Variants in FAM135A observed in about 807,000 individuals in gnomAD.
FAM135A encodes the protein protein FAM135A.
Under a neutral mutation model 146.8 loss-of-function variants are expected in FAM135A, and 79 were observed. The ratio of observed to expected loss-of-function variants is 0.54; its 90% confidence interval spans 0.45 to 0.65. FAM135A has a LOEUF of 0.65. Among genes scored for constraint, FAM135A ranks in the 30% least tolerant of loss-of-function variants. The pLI is 0.00. For synonymous variants in FAM135A, 562 were observed against 603.6 expected (o/e 0.93, Z 1.01); for missense variants, 1,623 against 1,758.2 (o/e 0.92, Z 1.38).
At chr6:70,528,086 G>A (rs1255276845) in intron 15 of FAM135A, among the ~76,000 whole-genome samples, 1 of 152,118 alleles carries the variant, frequency 6.6e-6, no homozygotes, top group Non-Finnish European at 1.5e-5. Context: ...GGTTTAAAGT[G>A]TTCATTGTAT....
intron 4 of FAM135A, among the ~76,000 whole-genome samples, chr6:70,445,104 T>C (rs776561924): frequency 2.6e-5 from 4 of 152,142 alleles, no homozygotes; most frequent in African/African-American, 4.8e-5. Context: ...GTGCTAATTG[T>C]GGGAATACAT....
chr6:70,427,877 C>G (rs1770561656), intron 3 of FAM135A, among the ~76,000 whole-genome samples: 1 of 152,118 alleles, frequency 6.6e-6, no homozygotes, highest in African/African-American at 2.4e-5. Flanking sequence ...AACCTTTCAT[C>G]AGCTTAACTG....
intron 4 of FAM135A, among the ~76,000 whole-genome samples, chr6:70,432,635 A>G (rs572741267): frequency 2.0e-4 from 31 of 152,186 alleles, no homozygotes; most frequent in Admixed American, 6.5e-5. Context: ...ATAAGGTATG[A>G]AATAAGAACA....
chr6:70,444,193 G>A (rs549400413), intron 4 of FAM135A, among the ~76,000 whole-genome samples: 50 of 152,112 alleles, frequency 3.3e-4, no homozygotes, highest in Middle Eastern at 3.4e-3. Context: ...ACTTCAGATC[G>A]GGAGTTTGAG....
chr6:70,485,341 C>T (rs1347494905), intron 10 of FAM135A, among the ~76,000 whole-genome samples: 7 of 151,946 alleles, frequency 4.6e-5, no homozygotes, highest in Non-Finnish European at 8.8e-5. Flanking sequence ...TTTCCTTTCT[C>T]TTTATTGTGA....
At chr6:70,504,515 A>G (rs1789283572) in intron 12 of FAM135A, 1 of 152,188 alleles carries the variant, frequency 6.6e-6, no homozygotes, top group South Asian at 2.1e-4. Flanking sequence ...GACATAACAT[A>G]TGTGGATCGG....
intron 5 of FAM135A, among the ~76,000 whole-genome samples, chr6:70,470,831 G>A (rs1434687656): frequency 2.0e-5 from 3 of 152,186 alleles, no homozygotes; most frequent in East Asian, 1.9e-4. Context: ...AGACTTTTGA[G>A]TTTTGCCTGA....
intron 21 of FAM135A, among the ~76,000 whole-genome samples, 185 bp from the exon 22 acceptor site, chr6:70,559,531 T>C (rs1191719575): frequency 6.6e-6 from 1 of 152,120 alleles, no homozygotes; most frequent in Non-Finnish European, 1.5e-5. Context: ...ATTACTTACA[T>C]TTTCTATAAA....
intron 4 of FAM135A, among the ~76,000 whole-genome samples, chr6:70,433,713 ACT>A (rs1772303494): frequency 6.6e-6 from 1 of 151,726 alleles, no homozygotes; most frequent in Non-Finnish European, 1.5e-5. Flanking sequence ...GGCTTAAACA[ACT>A]CTTAGCTTTA....
intron 11 of FAM135A, 94 bp from the exon 12 acceptor site, chr6:70,502,542 T>G: frequency 1.6e-6 from 2 of 1,275,914 alleles, no homozygotes; most frequent in South Asian, 3.1e-5. Flanking sequence ...AAACCACAAA[T>G]TTGCCTTTGT....
chr6:70,533,046 T>G, intron 16 of FAM135A, 114 bp from the exon 17 acceptor site: 1 of 787,832 alleles, frequency 1.3e-6, no homozygotes, highest in South Asian at 1.6e-5. Flanking sequence ...ATATTGTCTG[T>G]TCACAAATGG....
chr6:70,529,738 C>T (rs960540310), intron 16 of FAM135A, among the ~76,000 whole-genome samples: 6 of 151,974 alleles, frequency 3.9e-5, no homozygotes, highest in East Asian at 3.9e-4. Context: ...CAACACCTGC[C>T]GCCAAAAAAC....
chr6:70,445,201 C>T (rs565868791), intron 4 of FAM135A, among the ~76,000 whole-genome samples: 31 of 152,300 alleles, frequency 2.0e-4, no homozygotes, highest in African/African-American at 6.7e-4. Context: ...AACCCAGCCA[C>T]GCCCATTTAC....
chr6:70,528,257 C>T, intron 15 of FAM135A, 35 bp from the exon 16 acceptor site: 1 of 1,564,490 alleles, frequency 6.4e-7, no homozygotes, highest in Non-Finnish European at 8.6e-7. Flanking sequence ...TGAATATGAT[C>T]CTTAGTAAAG....
At chr6:70,522,473 A>T (rs1331784014) in intron 12 of FAM135A, 40 bp from the exon 13 acceptor site, 1 of 1,574,348 alleles carries the variant, frequency 6.4e-7, no homozygotes, top group Admixed American at 1.7e-5. Context: ...GACTTTTTAA[A>T]TACGTCATGT....
intron 2 of FAM135A, among the ~76,000 whole-genome samples, chr6:70,416,462 GA>G (rs1453638513): frequency 6.6e-6 from 1 of 152,132 alleles, no homozygotes; most frequent in Admixed American, 6.5e-5. Flanking sequence ...TTAGGGGGTA[GA>G]AAAGCCAAGG....
chr6:70,435,436 C>A (rs1406141466), intron 4 of FAM135A, among the ~76,000 whole-genome samples: 3 of 152,080 alleles, frequency 2.0e-5, no homozygotes, highest in Non-Finnish European at 4.4e-5. Context: ...TTAGTAACAT[C>A]ACAAAACCAT....
intron 21 of FAM135A, among the ~76,000 whole-genome samples, chr6:70,559,457 A>T (rs1233718695): frequency 6.6e-6 from 1 of 152,090 alleles, no homozygotes; most frequent in Non-Finnish European, 1.5e-5. Flanking sequence ...TAAAAAAAAA[A>T]AAAAATCAAA....
intron 20 of FAM135A, among the ~76,000 whole-genome samples, chr6:70,556,110 G>A (rs908518522): frequency 6.6e-6 from 1 of 152,064 alleles, no homozygotes; most frequent in Non-Finnish European, 1.5e-5. Flanking sequence ...TTAGCCAGGT[G>A]TGGTGGCCCA....
Sources: allele counts gnomAD v4.1 joint callset (sites outside exome capture counted in the v4.1 genomes callset), GRCh38; gene constraint gnomAD v4.1.1; transcripts MANE v1.5; gene names NCBI Gene and HGNC (gene_info 2026-07-23, HGNC 2026-07-21).